Variants in SEC61A1 observed in about 807,000 individuals in gnomAD.
SEC61A1 encodes SEC61 translocon subunit alpha 1.
In SEC61A1, 15 loss-of-function variants were observed where a neutral mutation model predicts 55.2. That is an observed-to-expected ratio of 0.27 (90% CI 0.18 to 0.42). The LOEUF (loss-of-function observed/expected upper bound fraction) is 0.42. Among genes scored for constraint, SEC61A1 ranks in the 10% least tolerant of loss-of-function variants. The pLI, the probability that SEC61A1 is intolerant of heterozygous loss-of-function variation, is 1.00. For synonymous variants in SEC61A1, 247 were observed against 234.0 expected (o/e 1.06, Z -0.51); for missense variants, 284 against 602.6 (o/e 0.47, Z 5.53).
intron 8 of SEC61A1, 56 bp from the exon 9 acceptor site, chr3:128,066,898 G>C (rs1359090859): frequency 1.9e-6 from 3 of 1,572,324 alleles, no homozygotes; most frequent in Admixed American, 3.3e-5. Flanking sequence ...CTGTGTTTCT[G>C]TGCAGCAGGC....
intron 2 of SEC61A1, among the ~76,000 whole-genome samples, chr3:128,053,411 T>C (rs146560324): frequency 2.0e-4 from 31 of 152,354 alleles, no homozygotes; most frequent in African/African-American, 6.5e-4. Flanking sequence ...TCTGCTGCTT[T>C]TCACAGACGG....
At chr3:128,052,293 G>T (rs981197961), upstream of SEC61A1, 58 of 279,932 alleles carry the variant, frequency 2.1e-4, no homozygotes, top group Admixed American at 3.7e-4. Flanking sequence ...GCTGCATGCC[G>T]GGGCTTGAGG....
rs202044086 is a variant in SEC61A1, at chr3:128,068,033, G to T, written c.1218G>T (p.Glu406Asp). Reference sequence around the variant, plus strand: ...AGATGGTGATGAGAGGCCACCGAGAGACCTCCATGGTCCATGAACTCAACC... The same window carrying T: ...AGATGGTGATGAGAGGCCACCGAGATACCTCCATGGTCCATGAACTCAACC... ...EQQMVMRGHR[E>D]TSMVHELNRY... Residue 406 changes from glutamate to aspartate, a missense_variant, in exon 11 of 12, where the codon GAG becomes GAT. Transcript: ENST00000243253. The T allele has an allele frequency of 1.9e-5, 30 of 1,613,948 alleles. No individual in the cohort carries two copies. The East Asian group carries it at 6.2e-4, about 34-fold the overall frequency.
chr3:128,052,565 T>G lies in SEC61A1; in HGVS notation c.7+6T>G. 1 of 1,599,520 alleles carries G rather than the reference T, an allele frequency of 6.3e-7. No individual in the cohort carries two copies. The highest frequency in any genetic ancestry group is 8.5e-7 in the Non-Finnish European group (1 of 1,174,060). ...AGCAGCCGCCGCCATGGCAAGTGAG[T>G]CCTGTAGGGAAGCCCTATTGAGGCC... is the stretch of plus-strand genomic sequence containing the variant. On this transcript the variant is annotated splice_donor_region_variant and intron_variant, in intron 1 of 11. Transcript: ENST00000243253.
intron 11 of SEC61A1, 94 bp downstream of exon 11, chr3:128,068,153 G>T: frequency 1.1e-6 from 1 of 878,568 alleles, no homozygotes; most frequent in Non-Finnish European, 1.9e-6. Flanking sequence ...GCACTTACTG[G>T]GTCACTAAAT....
At chr3:128,052,983 C>T in intron 2 of SEC61A1, 81 bp downstream of exon 2, 1 of 1,078,656 alleles carries the variant, frequency 9.3e-7, no homozygotes, top group Non-Finnish European at 1.4e-6. Flanking sequence ...TTAAAAATGG[C>T]TTCAGCACGG....
chr3:128,054,302 G>A (rs540477843), intron 2 of SEC61A1, among the ~76,000 whole-genome samples: 1 of 152,268 alleles, frequency 6.6e-6, no homozygotes, highest in East Asian at 1.9e-4. Flanking sequence ...TGATTAGAAA[G>A]GGAGTTTTGA....
Position 128,052,474 on chromosome 3 carries a change from C to A in SEC61A1, c.-79C>A. 1.9e-6 allele frequency: 3 copies of A among 1,545,766 alleles called. No individual in the cohort carries two copies. Among genetic ancestry groups the A allele is most frequent in the East Asian group, 2.4e-5 (1 of 41,486 alleles). On this transcript the variant is annotated 5_prime_UTR_variant, in exon 1 of 12. Coordinates refer to ENST00000243253, the MANE Select transcript of SEC61A1 (RefSeq NM_013336.4). ...GGCGGAGCTGCTGTGCAGTGGAACG[C>A]GCTGGGCCGCGGGCAGCGTCGCCTC...
chr3:128,053,242 C>T (rs1559793732), intron 2 of SEC61A1, among the ~76,000 whole-genome samples: 1 of 152,158 alleles, frequency 6.6e-6, no homozygotes, highest in Non-Finnish European at 1.5e-5. Context: ...TTTTTCACCT[C>T]CAACGGGAGC....
At position 128,065,048 on chromosome 3, in the gene SEC61A1, A is replaced by T. The variant is rs746539212; in HGVS notation, c.777+11A>T. The T allele has an allele frequency of 2.4e-5, 39 of 1,613,966 alleles. No individual in the cohort carries two copies. Among genetic ancestry groups the T allele is most frequent in the Non-Finnish European group, 3.1e-5 (37 of 1,179,934 alleles). On this transcript the variant is annotated intron_variant, in intron 8 of 11. Transcript: ENST00000243253. ...GTCATCTATTTCCAGGTGTGTCCAG[A>T]TCCAACCCCAGGGAGTTTCCATGGT...
intron 2 of SEC61A1, among the ~76,000 whole-genome samples, chr3:128,053,267 T>A (rs1400377715): frequency 6.7e-6 from 1 of 150,094 alleles, no homozygotes; most frequent in Non-Finnish European, 1.5e-5. Flanking sequence ...CACGGGTTGG[T>A]TTTTTTTCCC....
Position 128,055,657 on chromosome 3 carries a change from C to T in SEC61A1, c.142-16C>T. The T allele has an allele frequency of 6.2e-7, 1 of 1,613,512 alleles. No individual in the cohort carries two copies. Among genetic ancestry groups the T allele is most frequent in the Non-Finnish European group, 8.5e-7 (1 of 1,179,420 alleles). ...AAACAGGAGTGCTGACTGTTTTGCT[C>T]TTTGCCTGTTCCCAGATTCCCCTGT... On this transcript the variant is annotated splice_polypyrimidine_tract_variant and intron_variant, in intron 3 of 11. Transcript: ENST00000243253.
In SEC61A1 at chr3:128,064,914, T is replaced by A. The variant is rs1214247056; in HGVS notation, c.654T>A (p.His218Gln). The A allele has an allele frequency of 1.9e-6, 3 of 1,612,952 alleles. No individual in the cohort carries two copies. The highest frequency in any genetic ancestry group is 2.5e-6 in the Non-Finnish European group (3 of 1,179,414). Residue 218 changes from histidine to glutamine, a missense_variant, in exon 8 of 12, where the codon CAT becomes CAA. Transcript: ENST00000243253. ...EFEGAIIALF[H>Q]LLATRTDKVR... Reference sequence around the variant, plus strand: ...AAGGTGCTATCATCGCACTTTTCCATCTGCTGGCCACACGCACAGACAAGG... The same window carrying A: ...AAGGTGCTATCATCGCACTTTTCCAACTGCTGGCCACACGCACAGACAAGG...
At chr3:128,058,084 A>T (rs1941798898) in intron 5 of SEC61A1, among the ~76,000 whole-genome samples, 1 of 152,186 alleles carries the variant, frequency 6.6e-6, no homozygotes. Context: ...GTTTGCTGAA[A>T]AACATTAATT....
At chr3:128,063,496 G>A (rs925249287) in intron 7 of SEC61A1, among the ~76,000 whole-genome samples, 3 of 152,138 alleles carry the variant, frequency 2.0e-5, no homozygotes, top group African/African-American at 2.4e-5. Flanking sequence ...CACCATGTTC[G>A]GCTAATTTTT....
Position 128,069,686 on chromosome 3 carries a change from G to A in SEC61A1, c.*24G>A, listed in dbSNP as rs764428081. 4.5e-5 allele frequency: 72 copies of A among 1,609,254 alleles called. No individual in the cohort carries two copies. Among genetic ancestry groups the A allele is most frequent in the African/African-American group, 2.7e-5 (2 of 74,828 alleles). ...GAGCCCGTCTCCCGGACAGGTTGAG[G>A]AAGCTGCTCCAGAAGCGCCTCGGAA... On this transcript the variant is annotated 3_prime_UTR_variant, in exon 12 of 12. Coordinates refer to ENST00000243253, the MANE Select transcript of SEC61A1 (RefSeq NM_013336.4).
intron 11 of SEC61A1, 122 bp downstream of exon 11, chr3:128,068,181 G>C: frequency 1.4e-6 from 1 of 706,376 alleles, no homozygotes; most frequent in South Asian, 1.6e-5. Context: ...TTGGGTTACA[G>C]GACAGAATTA....
intron 5 of SEC61A1, among the ~76,000 whole-genome samples, chr3:128,059,076 G>A (rs1368096213): frequency 2.0e-5 from 3 of 152,184 alleles, no homozygotes; most frequent in Non-Finnish European, 4.4e-5. Flanking sequence ...AGGTCAGACT[G>A]TACTTAGAGG....
rs1274900189 is a variant in SEC61A1 at position 128,052,913 on chromosome 3, C to T, written c.75+11C>T. 4 of 1,605,004 alleles carry T rather than the reference C, an allele frequency of 2.5e-6. No individual in the cohort carries two copies. The highest frequency in any genetic ancestry group is 3.4e-5 in the Admixed American group (2 of 58,350). ...AAGCCAGAGAGGAAGGTAAGTACCC[C>T]AAATCGCCAACAAAGAAGGTTTCAG... is the stretch of plus-strand genomic sequence containing the variant. On this transcript the variant is annotated intron_variant, in intron 2 of 11. Transcript: ENST00000243253.
Sources: gnomAD v4.1 joint callset for allele counts (sites outside exome capture counted in the v4.1 genomes callset) on GRCh38, gnomAD v4.1.1 for gene constraint, MANE v1.5 for transcripts, NCBI Gene and HGNC (gene_info 2026-07-23, HGNC 2026-07-21) for gene names.